Variants in GALNT13 observed in about 807,000 individuals in gnomAD.
GALNT13 encodes the protein polypeptide N-acetylgalactosaminyltransferase 13, also known as UDP-GalNAc:polypeptide N-acetylgalactosaminyltransferase 13.
GALNT13 carries 28 observed loss-of-function variants against 64.2 expected under a neutral mutation model. That is an observed-to-expected ratio of 0.44 (90% CI 0.32 to 0.60). GALNT13 has a LOEUF of 0.60. GALNT13 is among the 20% of genes least tolerant of loss of function. GALNT13 has a pLI of 0.05. For synonymous variants in GALNT13, 214 were observed against 224.6 expected (o/e 0.95, Z 0.42); for missense variants, 577 against 669.8 (o/e 0.86, Z 1.53).
At chr2:153,096,076 CA>C in the GALNT13 span, among the ~76,000 whole-genome samples, 2 of 151,516 alleles carry the variant, frequency 1.3e-5, no homozygotes, top group African/African-American at 2.4e-5. Context: ...TAATTAGCTT[CA>C]AAAAAACAAA....
At chr2:153,652,511 AG>A in the GALNT13 span, among the ~76,000 whole-genome samples, 1 of 152,190 alleles carries the variant, frequency 6.6e-6, no homozygotes, top group South Asian at 2.1e-4. Flanking sequence ...GCTACTCTGG[AG>A]GCTGTGACAG....
chr2:153,070,793 G>A, the GALNT13 span, among the ~76,000 whole-genome samples: 8 of 152,086 alleles, frequency 5.3e-5, no homozygotes, highest in Non-Finnish European at 7.4e-5. Flanking sequence ...TATTTATTAC[G>A]TTTATAAAAA....
intron 4 of GALNT13, among the ~76,000 whole-genome samples, chr2:154,165,982 A>G (rs1684999535): frequency 6.6e-6 from 1 of 152,210 alleles, no homozygotes; most frequent in African/African-American, 2.4e-5. Context: ...GCTCTGTGTA[A>G]GAAGTTTGGG....
At chr2:153,217,748 A>G in the GALNT13 span, among the ~76,000 whole-genome samples, 1 of 152,024 alleles carries the variant, frequency 6.6e-6, no homozygotes, top group Non-Finnish European at 1.5e-5. Context: ...TTAAATCTTT[A>G]GTTATTTTAA....
chr2:153,760,604 GAT>G, the GALNT13 span, among the ~76,000 whole-genome samples: 16 of 151,988 alleles, frequency 1.1e-4, no homozygotes, highest in African/African-American at 3.9e-4. Flanking sequence ...AAAAATATTT[GAT>G]ATGTTTTCAA....
the GALNT13 span, among the ~76,000 whole-genome samples, chr2:153,860,072 A>T: frequency 6.6e-6 from 1 of 152,210 alleles, no homozygotes; most frequent in East Asian, 1.9e-4. Flanking sequence ...AGATAATTTG[A>T]AAGTCAATTA....
chr2:153,862,581 A>G, the GALNT13 span, among the ~76,000 whole-genome samples: 1 of 152,230 alleles, frequency 6.6e-6, no homozygotes, highest in Admixed American at 6.5e-5. Flanking sequence ...ACACTCATAA[A>G]TTAGGCATAT....
the GALNT13 span, among the ~76,000 whole-genome samples, chr2:153,812,817 C>T: frequency 2.6e-5 from 4 of 152,254 alleles, no homozygotes; most frequent in South Asian, 2.1e-4. Flanking sequence ...TTTCCCTATG[C>T]GCACAAAGTG....
the GALNT13 span, among the ~76,000 whole-genome samples, chr2:153,277,927 C>CTTTTTTTTTTTTTTTTTT: frequency 6.5e-4 from 52 of 80,104 alleles, 1 homozygote; most frequent in Admixed American, 9.9e-4. Flanking sequence ...TCTTTTCTTT[C>CTTTTTTTTTTTTTTTTTT]TTTTTTTTTT....
In GALNT13 at chr2:153,899,939, T is replaced by A. The variant is rs868370566; in HGVS notation, c.-176-997T>A. On this transcript the variant is annotated intron_variant, in intron 1 of 12. Coordinates refer to ENST00000392825, the MANE Select transcript of GALNT13 (RefSeq NM_052917.4). ...TACATATATATATATATATATATTTTTTTTTTTTTTTTTTGAGATGGAGTC... is the reference window on the plus strand; with the variant it reads ...TACATATATATATATATATATATTTATTTTTTTTTTTTTTGAGATGGAGTC... 8.4e-3 allele frequency among the ~76,000 whole-genome samples: 896 copies of A among 106,928 alleles called. 2 individuals carry two copies. Among genetic ancestry groups the A allele is most frequent in the East Asian group, 0.021 (27 of 1,274 alleles). The allele number at this position is 106,928 out of a possible 152,430, so 70.1% of individuals were successfully genotyped here.
At chr2:153,092,343 A>G in the GALNT13 span, among the ~76,000 whole-genome samples, 1 of 152,002 alleles carries the variant, frequency 6.6e-6, no homozygotes, top group Non-Finnish European at 1.5e-5. Flanking sequence ...GGTTTCATAT[A>G]CATTTTAGGA....
the GALNT13 span, among the ~76,000 whole-genome samples, chr2:153,118,135 A>ACACACACG: frequency 1.4e-4 from 21 of 150,568 alleles, 3 homozygotes; most frequent in Admixed American, 1.4e-3. Context: ...ACACACACAC[A>ACACACACG]CACACACACA....
At chr2:154,256,253 T>TAA (rs66481218) in intron 7 of GALNT13, among the ~76,000 whole-genome samples, 11 of 147,180 alleles carry the variant, frequency 7.5e-5, no homozygotes, top group South Asian at 2.1e-4. Flanking sequence ...CACCAAAATT[T>TAA]AAAAAAAAAA....
the GALNT13 span, among the ~76,000 whole-genome samples, chr2:153,185,597 C>A: frequency 6.6e-6 from 1 of 152,022 alleles, no homozygotes; most frequent in Non-Finnish European, 1.5e-5. Flanking sequence ...GGCATTTAGT[C>A]CTATAAATTT....
chr2:153,458,605 A>G, the GALNT13 span, among the ~76,000 whole-genome samples: 3 of 152,152 alleles, frequency 2.0e-5, no homozygotes, highest in Non-Finnish European at 4.4e-5. Flanking sequence ...TTAGTTTTAC[A>G]TCTACTTGGG....
At chr2:153,510,912 T>G in the GALNT13 span, among the ~76,000 whole-genome samples, 3 of 150,552 alleles carry the variant, frequency 2.0e-5, no homozygotes. Context: ...AAGGAGAGAG[T>G]GGGCCACTCT....
chr2:153,568,554 C>T, the GALNT13 span, among the ~76,000 whole-genome samples: 1 of 152,134 alleles, frequency 6.6e-6, no homozygotes, highest in Non-Finnish European at 1.5e-5. Context: ...TACAATAGTA[C>T]AATTTTTATG....
the GALNT13 span, among the ~76,000 whole-genome samples, chr2:153,323,142 C>T: frequency 6.6e-6 from 1 of 152,186 alleles, no homozygotes; most frequent in Non-Finnish European, 1.5e-5. Flanking sequence ...TATTTCTCCA[C>T]ATCCTCTCCA....
chr2:154,198,505 T>C (rs1686997695), intron 4 of GALNT13, among the ~76,000 whole-genome samples: 1 of 151,870 alleles, frequency 6.6e-6, no homozygotes, highest in African/African-American at 2.4e-5. Context: ...TTAAAGTAAG[T>C]TTTTTCCCCT....
Sources: allele counts gnomAD v4.1 joint callset (sites outside exome capture counted in the v4.1 genomes callset), GRCh38; gene constraint gnomAD v4.1.1; transcripts MANE v1.5; gene names NCBI Gene and HGNC (gene_info 2026-07-23, HGNC 2026-07-21).